Variants in FBXW4 observed in about 807,000 individuals in gnomAD.
The protein encoded by FBXW4 is F-box and WD repeat domain containing 4.
FBXW4 carries 40 observed loss-of-function variants against 61.8 expected under a neutral mutation model. The observed-to-expected ratio is 0.65, with a 90% CI of 0.50 to 0.84. The LOEUF (loss-of-function observed/expected upper bound fraction) is 0.84. Ranked by LOEUF, FBXW4 falls within the 40% of genes least tolerant of loss-of-function variation. The pLI is 0.00. For synonymous variants in FBXW4, 311 were observed against 313.8 expected, an observed-to-expected ratio of 0.99 and a Z score of 0.10; for missense variants, 672 against 753.8, an observed-to-expected ratio of 0.89 and a Z score of 1.27.
chr10:101,661,184 T>G (rs2064240022), intron 5 of FBXW4, among the ~76,000 whole-genome samples: 1 of 152,206 alleles, frequency 6.6e-6, no homozygotes, highest in Non-Finnish European at 1.5e-5. Flanking sequence ...TAGGGTTTCA[T>G]GTAAGTCGGC....
chr10:101,662,482 A>C (rs1000737157), intron 5 of FBXW4, among the ~76,000 whole-genome samples: 4 of 152,210 alleles, frequency 2.6e-5, no homozygotes, highest in Admixed American at 6.5e-5. Context: ...GCAAAGTTAC[A>C]CAAAATTATA....
At chr10:101,674,937 C>T (rs1407346583) in intron 2 of FBXW4, among the ~76,000 whole-genome samples, 1 of 152,162 alleles carries the variant, frequency 6.6e-6, no homozygotes, top group Non-Finnish European at 1.5e-5. Context: ...TCTGGAGTTA[C>T]CAGGTCCCAA....
chr10:101,693,114 C>T (rs1432132075), intron 1 of FBXW4, among the ~76,000 whole-genome samples: 1 of 152,164 alleles, frequency 6.6e-6, no homozygotes, highest in Non-Finnish European at 1.5e-5. Flanking sequence ...TGCAAAATAA[C>T]ACAACTTTGG....
rs2064372813 is a variant in FBXW4 at position 101,673,001 on chromosome 10, T to G, written c.1054A>C (p.Lys352Gln). The change falls in exon 4 of 9, where the codon AAG becomes CAG. Residue 352 changes from lysine (K) to glutamine (Q), a missense_variant. Lys to Gln is a moderately conservative substitution (Grantham distance 53). Transcript: ENST00000331272. ...ACCTCCTGTTCATGAGCCGAGTACTTGACAGTGAAGGTGCTGTGAATCTTA... is the reference window on the plus strand; with the variant it reads ...ACCTCCTGTTCATGAGCCGAGTACTGGACAGTGAAGGTGCTGTGAATCTTA... Reference protein sequence around the residue: ...IHKIHSTFTVKYSAHEQEVNC... With the variant: ...IHKIHSTFTVQYSAHEQEVNC... 6.2e-7 allele frequency: 1 copy of G among 1,613,738 alleles called. No homozygotes were observed. The highest frequency in any genetic ancestry group is 8.5e-7 in the Non-Finnish European group (1 of 1,179,932).
intron 5 of FBXW4, among the ~76,000 whole-genome samples, chr10:101,628,872 C>G (rs1285164035): frequency 6.6e-6 from 1 of 152,180 alleles, no homozygotes; most frequent in Non-Finnish European, 1.5e-5. Context: ...AGAAGCCAGC[C>G]TTCTATAATT....
intron 5 of FBXW4, among the ~76,000 whole-genome samples, chr10:101,634,340 T>C (rs1438005483): frequency 7.6e-6 from 1 of 130,782 alleles, no homozygotes; most frequent in Non-Finnish European, 1.7e-5. Flanking sequence ...AAATCCTGAT[T>C]ATAAAACTGT....
rs777535899 is a variant in FBXW4, at chr10:101,694,595, G to A, written c.511C>T (p.Arg171Trp). ...GCGGCCGGGCGGGCAGCCGACTCCC[G>A]AGCCGCCTCCTCCTCCTCCTCCTCC... is the stretch of plus-strand genomic sequence containing the variant. ...GEEEEEEEAA[R>W]ESAARPAAGP... The change falls in exon 1 of 9, where the codon CGG becomes TGG. Residue 171 changes from arginine (R) to tryptophan (W), a missense_variant. Arg to Trp is a moderately radical substitution (Grantham distance 101). Around this residue, in one of 5 missense-constraint regions of FBXW4, gnomAD observed 311 missense variants for 301.1 expected, o/e 1.03. Coordinates refer to ENST00000331272, the MANE Select transcript of FBXW4 (RefSeq NM_022039.4). The surrounding 1 kb of genome is among the most constrained non-coding windows in gnomAD (Gnocchi z 6.0). The A allele has an allele frequency of 2.1e-5, 30 of 1,451,718 alleles. No individual in the cohort carries two copies. In the South Asian group the frequency reaches 2.2e-4, roughly 11 times the overall value. The allele number at this position is 1,451,718 out of a possible 1,614,324, so 89.9% of individuals were successfully genotyped here. A position where few individuals can be genotyped will look rare whatever the true frequency, so the allele number is the denominator to read the frequency against.
Position 101,612,103 on chromosome 10 carries a change from G to A in FBXW4, c.1442+234C>T, listed in dbSNP as rs539346089. 4.6e-5 allele frequency among the ~76,000 whole-genome samples: 7 copies of A among 152,354 alleles called. No individual in the cohort carries two copies. The South Asian group carries it at 1.0e-3, about 23-fold the overall frequency. On this transcript the variant is annotated intron_variant, in intron 7 of 8. Transcript: ENST00000331272. ...GAATATTGAGTGACAGTACCCTGAC[G>A]GCTCCAGAGGCTCTGGGAAACGCCT... is the stretch of plus-strand genomic sequence containing the variant.
intron 6 of FBXW4, among the ~76,000 whole-genome samples, chr10:101,624,082 A>G (rs956580615): frequency 2.9e-5 from 4 of 138,950 alleles, no homozygotes; most frequent in African/African-American, 5.2e-5. Flanking sequence ...ACACACATAG[A>G]CACAGACAGA....
intron 5 of FBXW4, among the ~76,000 whole-genome samples, chr10:101,633,879 G>T (rs573477517): frequency 6.6e-6 from 1 of 152,244 alleles, no homozygotes; most frequent in East Asian, 1.9e-4. Context: ...AGGAGGCTGA[G>T]GGGGGTGGAT....
At position 101,630,860 on chromosome 10, in the gene FBXW4, T is replaced by G. The variant is rs755583141; in HGVS notation, c.1236-6050A>C. Among the ~76,000 whole-genome samples the G allele has an allele frequency of 3.9e-5, 6 of 152,170 alleles. No homozygotes were observed. In the South Asian group the frequency reaches 8.3e-4, roughly 21 times the overall value. On this transcript the variant is annotated intron_variant, in intron 5 of 8. Transcript: ENST00000331272. The stretch of plus-strand genomic sequence containing the variant: ...AATCTTGTTATCTGTCCAGCAAACA[T>G]CCCACCTTGCAGGTGGGGAAACATC...
At chr10:101,613,484 G>A (rs913559241) in intron 6 of FBXW4, among the ~76,000 whole-genome samples, 4 of 152,236 alleles carry the variant, frequency 2.6e-5, no homozygotes, top group South Asian at 2.1e-4. Context: ...AAACAAGGCC[G>A]TGGACACTTC....
At chr10:101,621,215 C>T (rs894161452) in intron 6 of FBXW4, among the ~76,000 whole-genome samples, 3 of 152,150 alleles carry the variant, frequency 2.0e-5, no homozygotes, top group African/African-American at 4.8e-5. Flanking sequence ...CACTAAGACA[C>T]GGATATTTTA....
intron 5 of FBXW4, among the ~76,000 whole-genome samples, chr10:101,663,964 G>A (rs1046009676): frequency 6.6e-6 from 1 of 152,214 alleles, no homozygotes; most frequent in Admixed American, 6.5e-5. Context: ...GCGAGAGGCA[G>A]AAGAAAAGGT....
In FBXW4 at chr10:101,611,711, C is replaced by T. The variant is rs780279849; in HGVS notation, c.1501G>A (p.Asp501Asn). 6 of 1,614,092 alleles carry T rather than the reference C, an allele frequency of 3.7e-6. No individual in the cohort carries two copies. Among genetic ancestry groups the T allele is most frequent in the East Asian group, 2.2e-5 (1 of 44,882 alleles). ...CCTGTGGCCAGCAGGTGGTTGCCAT[C>T]TGTCTGCAGGCAGTACAGGGTGCTG... is the stretch of plus-strand genomic sequence containing the variant. Reference protein sequence around the residue: ...HDSTLYCLQTDGNHLLATGSS... With the variant: ...HDSTLYCLQTNGNHLLATGSS... The change falls in exon 8 of 9, where the codon GAT becomes AAT. Residue 501 changes from aspartate to asparagine, a missense_variant. Transcript: ENST00000331272. This position sits in a 1 kb window ranked among gnomAD's most constrained non-coding sequence, Gnocchi z 4.9.
At chr10:101,646,737 C>A (rs546011086) in intron 5 of FBXW4, among the ~76,000 whole-genome samples, 2 of 152,286 alleles carry the variant, frequency 1.3e-5, no homozygotes, top group African/African-American at 4.8e-5. Context: ...GCAAATAAAG[C>A]CACAGGGAGA....
chr10:101,675,886 A>G (rs2064403196), intron 2 of FBXW4, among the ~76,000 whole-genome samples: 1 of 152,206 alleles, frequency 6.6e-6, no homozygotes, highest in Admixed American at 6.5e-5. Context: ...CTGCCTTTTA[A>G]TAAAGTAGGG....
chr10:101,690,499 T>A (rs2045482984), intron 1 of FBXW4, among the ~76,000 whole-genome samples: 1 of 152,214 alleles, frequency 6.6e-6, no homozygotes, highest in Admixed American at 6.5e-5. Flanking sequence ...GGATATCTAT[T>A]AGTGTTCACT....
chr10:101,694,588 G>A lies in FBXW4; in HGVS notation c.518C>T (p.Ser173Leu). 1 of 1,458,190 alleles carries A rather than the reference G, an allele frequency of 6.9e-7. No homozygotes were observed. Among genetic ancestry groups the A allele is most frequent in the Admixed American group, 2.6e-5 (1 of 39,152 alleles). The allele number at this position is 1,458,190 out of a possible 1,614,324, so 90.3% of individuals were successfully genotyped here. A position where few individuals can be genotyped will look rare whatever the true frequency, so the allele number is the denominator to read the frequency against. The change falls in exon 1 of 9, where the codon TCG becomes TTG. Residue 173 changes from serine (S) to leucine (L), a missense_variant. Physicochemically the swap from Ser to Leu is moderately radical, Grantham distance 145. This residue lies in a region of FBXW4 where 311 missense variants were observed against 301.1 expected (regional missense o/e 1.03). Transcript: ENST00000331272. This position sits in a 1 kb window ranked among gnomAD's most constrained non-coding sequence, Gnocchi z 6.0. ...AGGCCCCGCGGCCGGGCGGGCAGCC[G>A]ACTCCCGAGCCGCCTCCTCCTCCTC... ...EEEEEEAARE[S>L]AARPAAGPAL...
Sources: gnomAD v4.1 joint callset for allele counts (sites outside exome capture counted in the v4.1 genomes callset) on GRCh38, gnomAD v4.1.1 for gene constraint, gnomAD v4.1.1 regional missense constraint, Gnocchi (gnomAD v3.1) non-coding constraint, MANE v1.5 for transcripts, NCBI Gene and HGNC (gene_info 2026-07-23, HGNC 2026-07-21) for gene names.